The following CACNA2D3 variants were observed in gnomAD, a reference collection of about 807,000 sequenced individuals.
CACNA2D3 encodes calcium voltage-gated channel auxiliary subunit alpha2delta 3.
CACNA2D3 carries 60 observed loss-of-function variants against 160.6 expected under a neutral mutation model. That is an observed-to-expected ratio of 0.37 (90% CI 0.30 to 0.46). The LOEUF is 0.46. CACNA2D3 is among the 20% of genes least tolerant of loss of function. The probability of loss-of-function intolerance (pLI) is 1.00; values close to 1 mark genes in which losing one functional copy is unlikely to be tolerated. For missense variants in CACNA2D3, 1,205 were observed against 1,365.0 expected (o/e 0.88, Z 1.85); for synonymous variants, 558 against 492.9 (o/e 1.13, Z -1.75).
chr3:54,971,867 A>G (rs1457570062), intron 29 of CACNA2D3, among the ~76,000 whole-genome samples: 1 of 152,200 alleles, frequency 6.6e-6, no homozygotes, highest in Non-Finnish European at 1.5e-5. Context: ...TCCATGCCTC[A>G]GTTTTCTCAA....
At chr3:54,538,543 A>C (rs149855211) in intron 5 of CACNA2D3, among the ~76,000 whole-genome samples, 183 of 152,180 alleles carry the variant, frequency 1.2e-3, no homozygotes, top group African/African-American at 4.2e-3. Context: ...TCCTCTGACA[A>C]CACAAGGGGG....
chr3:54,283,121 T>C (rs1383347626), intron 2 of CACNA2D3, among the ~76,000 whole-genome samples: 1 of 152,240 alleles, frequency 6.6e-6, no homozygotes, highest in African/African-American at 2.4e-5. Flanking sequence ...AATGTGATTA[T>C]AATTATAGGA....
intron 20 of CACNA2D3, among the ~76,000 whole-genome samples, chr3:54,880,184 T>C (rs1699760407): frequency 6.6e-6 from 1 of 152,174 alleles, no homozygotes; most frequent in Admixed American, 6.5e-5. Flanking sequence ...AGCTGCTAAG[T>C]GGGTTTGCCA....
intron 12 of CACNA2D3, among the ~76,000 whole-genome samples, chr3:54,763,687 G>GTGTATATA (rs1337990891): frequency 1.2e-4 from 17 of 136,758 alleles, no homozygotes; most frequent in African/African-American, 4.0e-4. Flanking sequence ...GTATATATGT[G>GTGTATATA]TGTATATATG....
At chr3:54,684,622 C>T (rs1700415715) in intron 11 of CACNA2D3, among the ~76,000 whole-genome samples, 2 of 152,104 alleles carry the variant, frequency 1.3e-5, no homozygotes, top group South Asian at 4.2e-4. Flanking sequence ...GGTGCATTTC[C>T]CCTTGGTGCA....
chr3:54,827,044 G>A (rs1299138232), intron 14 of CACNA2D3, among the ~76,000 whole-genome samples: 2 of 152,090 alleles, frequency 1.3e-5, no homozygotes, highest in African/African-American at 4.8e-5. Context: ...TTGCTTGATT[G>A]CAACCTCCTT....
At chr3:54,801,753 G>C (rs967960468) in intron 13 of CACNA2D3, among the ~76,000 whole-genome samples, 1 of 151,940 alleles carries the variant, frequency 6.6e-6, no homozygotes, top group African/African-American at 2.4e-5. Context: ...GTGTTGCCAA[G>C]AAGGGTCTTT....
intron 35 of CACNA2D3, among the ~76,000 whole-genome samples, chr3:55,039,757 C>G (rs2107189186): frequency 6.6e-6 from 1 of 152,344 alleles, no homozygotes; most frequent in Non-Finnish European, 1.5e-5. Flanking sequence ...AGACCACAAT[C>G]TGGGCCTAAG....
intron 4 of CACNA2D3, among the ~76,000 whole-genome samples, chr3:54,389,353 G>C (rs898404395): frequency 6.6e-6 from 1 of 151,758 alleles, no homozygotes; most frequent in African/African-American, 2.4e-5. Flanking sequence ...AATGCATATA[G>C]AAAAATGATT....
At chr3:54,855,358 A>G (rs982535103) in intron 17 of CACNA2D3, among the ~76,000 whole-genome samples, 1 of 152,050 alleles carries the variant, frequency 6.6e-6, no homozygotes, top group African/African-American at 2.4e-5. Context: ...CACTGTTTCT[A>G]ACTTCAGGGT....
chr3:54,957,313 A>AT (rs112047445), intron 27 of CACNA2D3, among the ~76,000 whole-genome samples: 1,872 of 151,966 alleles, frequency 0.012, 43 homozygotes, highest in African/African-American at 0.043. Context: ...CACTCAGCTA[A>AT]TTTTTTAAAA....
rs188456890 is a variant in CACNA2D3, at chr3:54,152,702, G to A, written c.204+29108G>A. On this transcript the variant is annotated intron_variant, in intron 2 of 37. Coordinates refer to ENST00000474759, the MANE Select transcript of CACNA2D3 (RefSeq NM_018398.3). The stretch of plus-strand genomic sequence containing the variant: ...AATGTTTAATAGTGTTTATGGGACA[G>A]TGACACATGGAGAAATATTTAAGAG... Among the ~76,000 whole-genome samples the A allele has an allele frequency of 1.4e-3, 218 of 152,336 alleles. 2 individuals are homozygous for A. The highest frequency in any genetic ancestry group is 4.9e-3 in the African/African-American group (205 of 41,570).
intron 2 of CACNA2D3, among the ~76,000 whole-genome samples, chr3:54,169,914 G>A (rs141746593): frequency 2.3e-3 from 348 of 152,240 alleles, no homozygotes; most frequent in Non-Finnish European, 4.2e-3. Context: ...ATGGCCGAGC[G>A]TGGTGGCTCA....
At chr3:54,863,610 C>T (rs867698161) in intron 17 of CACNA2D3, among the ~76,000 whole-genome samples, 3 of 152,030 alleles carry the variant, frequency 2.0e-5, no homozygotes, top group Non-Finnish European at 4.4e-5. Flanking sequence ...TGGGCTAAGC[C>T]GCCTCCTCCC....
chr3:54,908,741 A>C (rs1700497498), intron 27 of CACNA2D3, among the ~76,000 whole-genome samples: 1 of 152,156 alleles, frequency 6.6e-6, no homozygotes, highest in Non-Finnish European at 1.5e-5. Flanking sequence ...AAAGCAAAAA[A>C]TCTTGTGAGC....
chr3:54,621,339 C>A (rs1022975543), intron 9 of CACNA2D3, among the ~76,000 whole-genome samples: 3 of 152,212 alleles, frequency 2.0e-5, no homozygotes, highest in African/African-American at 7.2e-5. Context: ...CTGGCCTCAA[C>A]GTTGTGGCTG....
intron 5 of CACNA2D3, among the ~76,000 whole-genome samples, chr3:54,522,095 CAG>C (rs1348625039): frequency 3.9e-5 from 6 of 152,110 alleles, no homozygotes; most frequent in African/African-American, 1.4e-4. Context: ...GGGATTCTGA[CAG>C]AGATTGAACT....
At chr3:54,744,960 A>G (rs746267399) in intron 11 of CACNA2D3, among the ~76,000 whole-genome samples, 3 of 152,256 alleles carry the variant, frequency 2.0e-5, no homozygotes, top group Admixed American at 6.5e-5. Flanking sequence ...TAAGTGTAGC[A>G]TTGAACCCAC....
intron 2 of CACNA2D3, among the ~76,000 whole-genome samples, chr3:54,282,311 A>G (rs771829822): frequency 4.1e-4 from 62 of 152,312 alleles, no homozygotes; most frequent in Middle Eastern, 3.4e-3. Context: ...AGGTATAGAG[A>G]TGCTTTGGAA....
Sources: gnomAD v4.1 joint callset for allele counts (sites outside exome capture counted in the v4.1 genomes callset) on GRCh38, gnomAD v4.1.1 for gene constraint, MANE v1.5 for transcripts, NCBI Gene and HGNC (gene_info 2026-07-23, HGNC 2026-07-21) for gene names.